Variants in NUBPL observed in about 807,000 individuals in gnomAD.
NUBPL encodes the protein NUBP iron-sulfur cluster assembly factor, mitochondrial, also known as iron-sulfur cluster transfer protein NUBPL.
In NUBPL, 31 loss-of-function variants were observed where a neutral mutation model predicts 45.7. The ratio of observed to expected loss-of-function variants is 0.68; its 90% CI spans 0.51 to 0.92. The LOEUF (loss-of-function observed/expected upper bound fraction) is 0.92. Ranked by LOEUF, NUBPL falls within the 40% of genes least tolerant of loss-of-function variation. The pLI is 0.00. For missense variants in NUBPL, 401 were observed against 398.7 expected, an observed-to-expected ratio of 1.01 and a Z score of -0.05; for synonymous variants, 144 against 140.9, an observed-to-expected ratio of 1.02 and a Z score of -0.15.
chr14:31,807,631 A>T, intron 7 of NUBPL, among the ~76,000 whole-genome samples: 1 of 140,998 alleles, frequency 7.1e-6, no homozygotes, highest in Admixed American at 6.9e-5. Context: ...GTTTAATTAG[A>T]TCCCATTTGT....
chr14:31,624,855 G>A (rs547686938), intron 4 of NUBPL, among the ~76,000 whole-genome samples: 10 of 152,264 alleles, frequency 6.6e-5, no homozygotes, highest in African/African-American at 2.4e-4. Context: ...GTGAGCCACC[G>A]TGCCTGGCCA....
intron 3 of NUBPL, among the ~76,000 whole-genome samples, chr14:31,570,178 G>A (rs2033544444): frequency 6.6e-6 from 1 of 152,114 alleles, no homozygotes; most frequent in Non-Finnish European, 1.5e-5. Flanking sequence ...CAAATGTTTA[G>A]TCTATATAAA....
chr14:31,652,035 A>T (rs1054119196), intron 4 of NUBPL, among the ~76,000 whole-genome samples: 3 of 152,190 alleles, frequency 2.0e-5, no homozygotes, highest in Non-Finnish European at 4.4e-5. Flanking sequence ...GAATGAATGG[A>T]TAAAGAAAAT....
intron 6 of NUBPL, among the ~76,000 whole-genome samples, chr14:31,689,219 T>G (rs2037037339): frequency 6.6e-6 from 1 of 152,198 alleles, no homozygotes; most frequent in Admixed American, 6.5e-5. Context: ...GTAGTTTTGT[T>G]TAGCTCTTTG....
chr14:31,833,480 G>C (rs1198063258), intron 8 of NUBPL, among the ~76,000 whole-genome samples: 1 of 152,024 alleles, frequency 6.6e-6, no homozygotes, highest in Non-Finnish European at 1.5e-5. Flanking sequence ...GATTTATTAA[G>C]TTGCTATATT....
chr14:31,679,703 A>G (rs1414925490), intron 6 of NUBPL, among the ~76,000 whole-genome samples: 1 of 152,172 alleles, frequency 6.6e-6, no homozygotes, highest in Non-Finnish European at 1.5e-5. Context: ...GCATTTTCCA[A>G]CTGTGTTTTT....
At chr14:31,582,062 G>C (rs1456661303) in intron 3 of NUBPL, among the ~76,000 whole-genome samples, 1 of 151,988 alleles carries the variant, frequency 6.6e-6, no homozygotes, top group Non-Finnish European at 1.5e-5. Context: ...TGAAATAGTG[G>C]TAAGCCTTGT....
chr14:31,720,894 C>G (rs1045536136), intron 6 of NUBPL, among the ~76,000 whole-genome samples: 1 of 152,142 alleles, frequency 6.6e-6, no homozygotes, highest in African/African-American at 2.4e-5. Context: ...TTAGTTTCCT[C>G]CTTAAAGTTT....
chr14:31,632,937 A>G (rs1028646213), intron 4 of NUBPL, among the ~76,000 whole-genome samples: 25 of 152,248 alleles, frequency 1.6e-4, no homozygotes, highest in African/African-American at 4.8e-4. Context: ...TATATTTTAC[A>G]TATTTCTACT....
At chr14:31,767,775 G>C (rs546705555) in intron 6 of NUBPL, among the ~76,000 whole-genome samples, 68 of 152,256 alleles carry the variant, frequency 4.5e-4, no homozygotes, top group Non-Finnish European at 7.2e-4. Flanking sequence ...TTTTTGGAAG[G>C]CTTAGGTGGG....
chr14:31,730,013 G>A (rs1450952117), intron 6 of NUBPL, among the ~76,000 whole-genome samples: 5 of 152,114 alleles, frequency 3.3e-5, no homozygotes, highest in Admixed American at 1.3e-4. Flanking sequence ...ATTAAGTTAA[G>A]GGTGTTTCCT....
intron 6 of NUBPL, among the ~76,000 whole-genome samples, chr14:31,688,656 T>C (rs2037018383): frequency 1.1e-5 from 1 of 92,300 alleles, no homozygotes; most frequent in Non-Finnish European, 2.4e-5. Flanking sequence ...GTTTTTGTTG[T>C]TGTTTTTTTT....
rs538458636 is a variant in NUBPL at position 31,697,983 on chromosome 14, C to A, written c.513+24409C>A. On this transcript the variant is annotated intron_variant, in intron 6 of 10. Transcript: ENST00000281081. ...AAGCTCCAGGAAGACTTGAACAGAT[C>A]CCAAGCAGGCGATGAGAAGAGTAAT... 2.6e-5 allele frequency among the ~76,000 whole-genome samples: 4 copies of A among 152,206 alleles called. No individual in the cohort carries two copies. The South Asian group carries it at 6.2e-4, about 24-fold the overall frequency.
intron 7 of NUBPL, among the ~76,000 whole-genome samples, chr14:31,788,277 A>C (rs2039320439): frequency 6.6e-6 from 1 of 152,206 alleles, no homozygotes; most frequent in South Asian, 2.1e-4. Flanking sequence ...GCTCTGAAAG[A>C]GGAGGCAGAA....
chr14:31,711,999 AG>A (rs1566517089), intron 6 of NUBPL, among the ~76,000 whole-genome samples: 1 of 152,176 alleles, frequency 6.6e-6, no homozygotes, highest in Non-Finnish European at 1.5e-5. Context: ...AAGGTGGTGC[AG>A]ACCCAAAGAA....
chr14:31,799,306 A>ATTAT (rs1175331584), intron 7 of NUBPL, among the ~76,000 whole-genome samples: 1 of 152,170 alleles, frequency 6.6e-6, no homozygotes, highest in Admixed American at 6.5e-5. Context: ...TGGAATATTT[A>ATTAT]CATTCATTAT....
At chr14:31,586,053 T>C (rs1235682371) in intron 3 of NUBPL, among the ~76,000 whole-genome samples, 1 of 152,200 alleles carries the variant, frequency 6.6e-6, no homozygotes, top group Non-Finnish European at 1.5e-5. Context: ...CCAAACACTT[T>C]TGTTGCAGGT....
chr14:31,628,396 T>A (rs1219701892), intron 4 of NUBPL, among the ~76,000 whole-genome samples: 1 of 152,230 alleles, frequency 6.6e-6, no homozygotes, highest in Non-Finnish European at 1.5e-5. Flanking sequence ...ATATAAAATA[T>A]ATTTTAAAAT....
intron 6 of NUBPL, among the ~76,000 whole-genome samples, chr14:31,756,201 C>A (rs550113537): frequency 9.2e-5 from 14 of 152,144 alleles, no homozygotes; most frequent in East Asian, 1.9e-4. Context: ...TTGGTTCCAT[C>A]TGAACTTTAA....
Sources: gnomAD v4.1 joint callset for allele counts (sites outside exome capture counted in the v4.1 genomes callset) on GRCh38, gnomAD v4.1.1 for gene constraint, MANE v1.5 for transcripts, NCBI Gene and HGNC (gene_info 2026-07-23, HGNC 2026-07-21) for gene names.